The following DYNC2H1 variants were observed in gnomAD, a reference collection of about 807,000 sequenced individuals.
The protein encoded by DYNC2H1 is cytoplasmic dynein 2 heavy chain 1.
Under a neutral mutation model 570.0 loss-of-function variants are expected in DYNC2H1, and 410 were observed. The ratio of observed to expected loss-of-function variants is 0.72; its 90% CI spans 0.66 to 0.78. The LOEUF (loss-of-function observed/expected upper bound fraction) is 0.78. Ranked by LOEUF, DYNC2H1 falls within the 30% of genes least tolerant of loss-of-function variation. DYNC2H1 has a pLI of 0.00. For synonymous variants in DYNC2H1, 1,688 were observed against 1,677.6 expected (o/e 1.01, Z -0.15); for missense variants, 4,865 against 5,046.4 (o/e 0.96, Z 1.09).
rs532341910 is a variant in DYNC2H1 at position 103,228,363 on chromosome 11, T to G, written c.9354-2897T>G. Among the ~76,000 whole-genome samples the G allele has an allele frequency of 6.6e-6, 1 of 152,268 alleles. No individual in the cohort carries two copies. Among genetic ancestry groups the G allele is most frequent in the South Asian group, 2.1e-4 (1 of 4,824 alleles). On this transcript the variant is annotated intron_variant, in intron 59 of 88. Coordinates refer to ENST00000375735, the MANE Select transcript of DYNC2H1 (RefSeq NM_001377.3). This position sits in a 1 kb window ranked among gnomAD's most constrained non-coding sequence, Gnocchi z 6.1. ...ATTCAAGTGCAGCTGATCAGATTCT[T>G]TTGTCTCATGGGGCGCTCCCTTGCT...
chr11:103,364,632 A>AT lies in DYNC2H1; in HGVS notation c.12156+6276dup, dbSNP rs1249312769. ...TTTTTTTTAAGCAGGTAGTCAACCT[A>AT]TTTAAGTTCAGAATGCATGTCTTGA... On this transcript the variant is annotated intron_variant, in intron 83 of 88. Transcript: ENST00000375735. Among the ~76,000 whole-genome samples the AT allele has an allele frequency of 3.3e-5, 5 of 149,266 alleles. No individual in the cohort carries two copies. In the East Asian group the frequency reaches 9.8e-4, roughly 29 times the overall value.
chr11:103,460,522 T>A (rs1337077502), intron 87 of DYNC2H1, among the ~76,000 whole-genome samples: 1 of 151,472 alleles, frequency 6.6e-6, no homozygotes, highest in Non-Finnish European at 1.5e-5. Context: ...AAAATAAGAT[T>A]ATAATATTAG....
In DYNC2H1 at chr11:103,268,204, C is replaced by T. The variant is rs1217091639; in HGVS notation, c.10695+8227C>T. ...TTTTACCAGTTAATATCTCTACCCA[C>T]ATAATAATAAAGGTATATCTTTATC... On this transcript the variant is annotated intron_variant, in intron 70 of 88. Coordinates refer to ENST00000375735, the MANE Select transcript of DYNC2H1 (RefSeq NM_001377.3). This position sits in a 1 kb window ranked among gnomAD's most constrained non-coding sequence, Gnocchi z 4.6. 6.6e-6 allele frequency among the ~76,000 whole-genome samples: 1 copy of T among 152,038 alleles called. No homozygotes were observed. The highest frequency in any genetic ancestry group is 2.4e-5 in the African/African-American group (1 of 41,426).
rs1860736690 is a variant in DYNC2H1 at position 103,154,786 on chromosome 11, C to T, written c.3550C>T (p.Gln1184Ter). Residue 1184 changes from glutamine to a stop codon, truncating the protein, a stop_gained, in exon 24 of 89, where the codon CAA (glutamine) becomes TAA (stop). Transcript: ENST00000375735. LOFTEE classifies it high-confidence loss of function. ...EEHSVMTVKL[Q>*]SEVDKYKIVI... ...ACATTCAGTGATGACAGTGAAATTA[C>T]AATCAGAGGTTGACAAATATAAAGT... is the stretch of plus-strand genomic sequence containing the variant. The T allele has an allele frequency of 6.4e-7, 1 of 1,550,638 alleles. No homozygotes were observed. Among genetic ancestry groups the T allele is most frequent in the East Asian group, 2.4e-5 (1 of 41,880 alleles).
intron 84 of DYNC2H1, among the ~76,000 whole-genome samples, chr11:103,408,634 A>C (rs1942962893): frequency 6.6e-6 from 1 of 152,066 alleles, no homozygotes; most frequent in Non-Finnish European, 1.5e-5. Flanking sequence ...TTAATTGTTG[A>C]ACAAATGAAC....
chr11:103,410,275 T>A (rs906294436), intron 84 of DYNC2H1, among the ~76,000 whole-genome samples: 5 of 152,052 alleles, frequency 3.3e-5, no homozygotes, highest in African/African-American at 1.2e-4. Context: ...CTTGGTTTAC[T>A]GCTAAATCCT....
In DYNC2H1 at chr11:103,152,119, T is replaced by TTC; in HGVS notation, c.2947-16_2947-15insCT. The stretch of plus-strand genomic sequence containing the variant: ...ATAGGTTGTTATTCAATTTGTTTTT[T>TTC]TTTTTTTAACCTTTAGATTTTGCCC... On this transcript the variant is annotated splice_polypyrimidine_tract_variant and intron_variant, in intron 20 of 88. Transcript: ENST00000375735. 1 of 1,574,232 alleles carries TTC rather than the reference T, an allele frequency of 6.4e-7. No individual in the cohort carries two copies. Among genetic ancestry groups the TTC allele is most frequent in the Non-Finnish European group, 8.6e-7 (1 of 1,161,602 alleles).
At chr11:103,284,883 A>T (rs1264416708) in intron 73 of DYNC2H1, among the ~76,000 whole-genome samples, 1 of 152,164 alleles carries the variant, frequency 6.6e-6, no homozygotes, top group Non-Finnish European at 1.5e-5. Context: ...CTGATCTTAC[A>T]CCGCACTCTT....
intron 47 of DYNC2H1, among the ~76,000 whole-genome samples, chr11:103,196,762 A>G (rs562894812): frequency 6.6e-6 from 1 of 152,308 alleles, no homozygotes; most frequent in African/African-American, 2.4e-5. Flanking sequence ...GAAGAGATGC[A>G]CAAAGGTCAT....
intron 84 of DYNC2H1, among the ~76,000 whole-genome samples, chr11:103,414,065 C>T (rs1360556764): frequency 2.7e-5 from 1 of 37,622 alleles, no homozygotes; most frequent in East Asian, 8.6e-4. Flanking sequence ...GTACATAAGT[C>T]ATAACACAAT....
Position 103,304,594 on chromosome 11 carries a change from G to T in DYNC2H1, c.11257-1G>T. On this transcript the variant is annotated splice_acceptor_variant, in intron 76 of 88. Transcript: ENST00000375735. LOFTEE classifies it high-confidence loss of function. ...TTTTGTTTGTTTTTTTGCTTTTGTA[G>T]GTTGCCATGGGTCAAGGTCAAGCTG... 6.2e-7 allele frequency: 1 copy of T among 1,607,410 alleles called. No individual in the cohort carries two copies. The highest frequency in any genetic ancestry group is 8.5e-7 in the Non-Finnish European group (1 of 1,176,278).
At chr11:103,415,539 A>G (rs1943250488) in intron 84 of DYNC2H1, among the ~76,000 whole-genome samples, 1 of 152,232 alleles carries the variant, frequency 6.6e-6, no homozygotes, top group Admixed American at 6.5e-5. Context: ...GCCAACAGAC[A>G]CATAAAAAAA....
intron 75 of DYNC2H1, among the ~76,000 whole-genome samples, chr11:103,296,762 A>G (rs1478651653): frequency 6.6e-6 from 1 of 151,606 alleles, no homozygotes; most frequent in Non-Finnish European, 1.5e-5. Flanking sequence ...GCATACAAAT[A>G]TATTTTACTA....
intron 82 of DYNC2H1, among the ~76,000 whole-genome samples, chr11:103,335,628 A>G (rs1301711508): frequency 6.6e-6 from 1 of 152,134 alleles, no homozygotes; most frequent in Non-Finnish European, 1.5e-5. Context: ...CGGTTACTAC[A>G]TTTATTACAA....
At chr11:103,155,151 A>G (rs1860754579) in intron 24 of DYNC2H1, among the ~76,000 whole-genome samples, 180 bp from the exon 25 acceptor site, 1 of 152,122 alleles carries the variant, frequency 6.6e-6, no homozygotes, top group South Asian at 2.1e-4. Flanking sequence ...CCATGGCAAC[A>G]TTTAATCAAA....
At chr11:103,112,858 A>G (rs1858179941) in intron 1 of DYNC2H1, among the ~76,000 whole-genome samples, 1 of 152,220 alleles carries the variant, frequency 6.6e-6, no homozygotes, top group Admixed American at 6.5e-5. Context: ...TAATGAACTC[A>G]TTACTATGAA....
chr11:103,460,263 A>G (rs1272085385), intron 87 of DYNC2H1, among the ~76,000 whole-genome samples: 1 of 152,046 alleles, frequency 6.6e-6, no homozygotes, highest in Non-Finnish European at 1.5e-5. Flanking sequence ...GGAACACAAA[A>G]CATGTATATT....
chr11:103,223,259 G>C (rs534874587), intron 59 of DYNC2H1, among the ~76,000 whole-genome samples, 173 bp downstream of exon 59: 2 of 150,072 alleles, frequency 1.3e-5, no homozygotes, highest in South Asian at 2.1e-4. Flanking sequence ...AAAAAAGAAA[G>C]CAATTAGAAG....
chr11:103,443,876 A>G (rs1944347882), intron 85 of DYNC2H1, among the ~76,000 whole-genome samples: 1 of 151,858 alleles, frequency 6.6e-6, no homozygotes, highest in East Asian at 1.9e-4. Context: ...TCCTTGAGAA[A>G]TTTTGAGATA....
Sources: allele counts gnomAD v4.1 joint callset (sites outside exome capture counted in the v4.1 genomes callset), GRCh38; gene constraint gnomAD v4.1.1; non-coding constraint Gnocchi (gnomAD v3.1); transcripts MANE v1.5; gene names NCBI Gene and HGNC (gene_info 2026-07-23, HGNC 2026-07-21).